NOS1AP: variants seen among roughly 807,000 people sequenced by gnomAD.
The protein encoded by NOS1AP is nitric oxide synthase 1 adaptor protein, also known as carboxyl-terminal PDZ ligand of neuronal nitric oxide synthase protein.
In NOS1AP, 21 loss-of-function variants were observed where a neutral mutation model predicts 56.2. The ratio of observed to expected loss-of-function variants is 0.37; its 90% CI spans 0.26 to 0.54. NOS1AP has a LOEUF of 0.54. Ranked by LOEUF, NOS1AP falls within the 20% of genes least tolerant of loss-of-function variation. NOS1AP has a pLI of 0.84. For synonymous variants in NOS1AP, 270 were observed against 274.6 expected (o/e 0.98, Z 0.17); for missense variants, 522 against 657.8 (o/e 0.79, Z 2.26).
chr1:162,288,849 G>C (rs897346848), intron 3 of NOS1AP, among the ~76,000 whole-genome samples: 4 of 152,134 alleles, frequency 2.6e-5, no homozygotes, highest in African/African-American at 9.7e-5. Context: ...TGTGTGCATG[G>C]GCCCCATCTT....
Position 162,369,672 on chromosome 1 carries a change from A to G in NOS1AP, c.*2205A>G, listed in dbSNP as rs186469726. 1 of 152,386 alleles carries G rather than the reference A, an allele frequency of 6.6e-6. No homozygotes were observed. Among genetic ancestry groups the G allele is most frequent in the African/African-American group, 2.4e-5 (1 of 41,568 alleles). The allele number at this position is 152,386 out of a possible 1,614,324, so 9.4% of individuals were successfully genotyped here. A position where few individuals can be genotyped will look rare whatever the true frequency, so the allele number is the denominator to read the frequency against. ...GAGAAACTAGTTATCTGTGTTGCTGACTTTGGGACCCATCCAAGACTCCTG... is the reference window on the plus strand; with the variant it reads ...GAGAAACTAGTTATCTGTGTTGCTGGCTTTGGGACCCATCCAAGACTCCTG... On this transcript the variant is annotated 3_prime_UTR_variant, in exon 10 of 10. Coordinates refer to ENST00000361897, the MANE Select transcript of NOS1AP (RefSeq NM_014697.3).
chr1:162,115,670 C>T (rs746110373), intron 1 of NOS1AP, among the ~76,000 whole-genome samples: 17 of 152,088 alleles, frequency 1.1e-4, no homozygotes, highest in Non-Finnish European at 2.5e-4. Flanking sequence ...GTGATTTTTC[C>T]GTATAGTTTG....
chr1:162,082,694 G>A (rs1691920917), intron 1 of NOS1AP, among the ~76,000 whole-genome samples: 1 of 152,124 alleles, frequency 6.6e-6, no homozygotes, highest in Non-Finnish European at 1.5e-5. Flanking sequence ...GATCAGTGAT[G>A]TTGAGCTTTT....
At chr1:162,181,237 G>A (rs1226257789) in intron 2 of NOS1AP, among the ~76,000 whole-genome samples, 1 of 152,136 alleles carries the variant, frequency 6.6e-6, no homozygotes, top group East Asian at 1.9e-4. Context: ...CAAAGGAGAA[G>A]GATTTGAATA....
chr1:162,297,235 C>T (rs1655494959), intron 3 of NOS1AP, among the ~76,000 whole-genome samples: 1 of 152,184 alleles, frequency 6.6e-6, no homozygotes, highest in Non-Finnish European at 1.5e-5. Flanking sequence ...GTCATTGGCT[C>T]CTCTCAGTCA....
At chr1:162,291,409 T>C (rs1278408279) in intron 3 of NOS1AP, among the ~76,000 whole-genome samples, 1 of 152,148 alleles carries the variant, frequency 6.6e-6, no homozygotes, top group African/African-American at 2.4e-5. Context: ...TACTTAGCAA[T>C]TGGATCAAAT....
chr1:162,340,614 G>T (rs1244356864), intron 5 of NOS1AP, among the ~76,000 whole-genome samples: 4 of 152,182 alleles, frequency 2.6e-5, no homozygotes, highest in Non-Finnish European at 2.9e-5. Flanking sequence ...CATATATTCA[G>T]TTTTTCAGTG....
In NOS1AP at chr1:162,171,650, G is replaced by A. The variant is rs559496038; in HGVS notation, c.177+17174G>A. Among the ~76,000 whole-genome samples, 55 of 152,288 alleles carry A rather than the reference G, an allele frequency of 3.6e-4. 1 individual carries two copies. The South Asian group carries it at 4.4e-3, about 12-fold the overall frequency. On this transcript the variant is annotated intron_variant, in intron 2 of 9. Transcript: ENST00000361897. ...TGGGGACTAAGGATCCTGTAAGTGA[G>A]CTCTTAGGCCCTCACCCTTTATTAA...
At chr1:162,306,615 A>C (rs1367370202) in intron 4 of NOS1AP, among the ~76,000 whole-genome samples, 2 of 152,172 alleles carry the variant, frequency 1.3e-5, no homozygotes, top group Non-Finnish European at 2.9e-5. Flanking sequence ...TCTCCCTCCC[A>C]GTTTTTTGCT....
At chr1:162,346,904 C>T (rs906868742) in intron 6 of NOS1AP, among the ~76,000 whole-genome samples, 2 of 152,084 alleles carry the variant, frequency 1.3e-5, no homozygotes, top group Non-Finnish European at 2.9e-5. Context: ...GGTCATGTAC[C>T]CTTGGCCAGT....
chr1:162,093,563 TTATTTTTTTTTGCCGC>T (rs968178108), intron 1 of NOS1AP, among the ~76,000 whole-genome samples: 1 of 152,176 alleles, frequency 6.6e-6, no homozygotes, highest in African/African-American at 2.4e-5. Flanking sequence ...TTATTTTATT[TTATTTTTTTTTGCCGC>T]TATCTCACTT....
At chr1:162,167,847 G>A (rs1650574119) in intron 2 of NOS1AP, among the ~76,000 whole-genome samples, 1 of 152,094 alleles carries the variant, frequency 6.6e-6, no homozygotes, top group South Asian at 2.1e-4. Flanking sequence ...TATGTTACTT[G>A]TTAATATTTT....
chr1:162,099,394 GTTAGCCAGGATGGTC>G (rs1489935840), intron 1 of NOS1AP, among the ~76,000 whole-genome samples: 6 of 151,984 alleles, frequency 3.9e-5, no homozygotes, highest in Admixed American at 3.9e-4. Flanking sequence ...GTTTCACCGT[GTTAGCCAGGATGGTC>G]TCAATTTCCT....
At chr1:162,143,794 A>C (rs1341332072) in intron 1 of NOS1AP, among the ~76,000 whole-genome samples, 2 of 152,176 alleles carry the variant, frequency 1.3e-5, no homozygotes, top group Non-Finnish European at 2.9e-5. Flanking sequence ...CAACCCTGAC[A>C]TGTAGGTAGT....
chr1:162,073,783 T>C (rs2102008606), intron 1 of NOS1AP, among the ~76,000 whole-genome samples: 1 of 152,356 alleles, frequency 6.6e-6, no homozygotes, highest in Middle Eastern at 3.4e-3. Flanking sequence ...CTTGGCTGTT[T>C]CCAGATTTCC....
intron 2 of NOS1AP, among the ~76,000 whole-genome samples, chr1:162,218,577 G>C (rs1006926208): frequency 6.6e-6 from 1 of 152,140 alleles, no homozygotes; most frequent in Non-Finnish European, 1.5e-5. Context: ...ATGTCTTCAG[G>C]GCTGATTAGA....
intron 3 of NOS1AP, among the ~76,000 whole-genome samples, chr1:162,288,407 G>A (rs1655158944): frequency 6.6e-6 from 1 of 152,220 alleles, no homozygotes; most frequent in Non-Finnish European, 1.5e-5. Flanking sequence ...CGGGGCTAGA[G>A]GGAGAGAGTG....
At chr1:162,249,692 A>C (rs1653789402) in intron 2 of NOS1AP, among the ~76,000 whole-genome samples, 2 of 152,188 alleles carry the variant, frequency 1.3e-5, no homozygotes, top group Non-Finnish European at 2.9e-5. Context: ...GGGTATTGAA[A>C]TTTGGGATAC....
intron 2 of NOS1AP, among the ~76,000 whole-genome samples, chr1:162,215,178 T>C (rs1461777157): frequency 1.3e-5 from 2 of 152,218 alleles, no homozygotes; most frequent in African/African-American, 4.8e-5. Flanking sequence ...CCCTGTCTCC[T>C]GTGTGTGGTG....
Sources: allele counts gnomAD v4.1 joint callset (sites outside exome capture counted in the v4.1 genomes callset), GRCh38; gene constraint gnomAD v4.1.1; transcripts MANE v1.5; gene names NCBI Gene and HGNC (gene_info 2026-07-23, HGNC 2026-07-21).